CRIM1: variants seen among roughly 807,000 people sequenced by gnomAD.
CRIM1 encodes the protein cysteine rich transmembrane BMP regulator 1, also known as cysteine-rich motor neuron 1 protein.
Under a neutral mutation model 116.4 loss-of-function variants are expected in CRIM1, and 32 were observed. The observed-to-expected ratio is 0.27, with a 90% CI of 0.21 to 0.37. The LOEUF (loss-of-function observed/expected upper bound fraction) is 0.37. CRIM1 is among the 10% of genes least tolerant of loss of function. CRIM1 has a pLI of 1.00. For missense variants in CRIM1, 1,331 were observed against 1,354.8 expected (o/e 0.98, Z 0.28); for synonymous variants, 590 against 509.2 (o/e 1.16, Z -2.13).
chr2:36,531,922 A>G lies in CRIM1; in HGVS notation c.2429-5430A>G, dbSNP rs574664846. Reference sequence around the variant, plus strand: ...AGCATCCCATGAGGTAAGCAGCCCCATGGAAGGACCAGCTGCATCCAGCAA... The same window carrying G: ...AGCATCCCATGAGGTAAGCAGCCCCGTGGAAGGACCAGCTGCATCCAGCAA... On this transcript the variant is annotated intron_variant, in intron 13 of 16. Coordinates refer to ENST00000280527, the MANE Select transcript of CRIM1 (RefSeq NM_016441.3). 20 of 471,030 alleles carry G rather than the reference A, an allele frequency of 4.2e-5. No homozygotes were observed. The East Asian group carries it at 1.3e-3, about 31-fold the overall frequency. 29.2% of individuals were successfully genotyped at this position (471,030 alleles called of 1,614,324 possible). A position where few individuals can be genotyped will look rare whatever the true frequency, so the allele number is the denominator to read the frequency against.
chr2:36,484,125 G>A (rs887026811), intron 7 of CRIM1, among the ~76,000 whole-genome samples: 3 of 152,134 alleles, frequency 2.0e-5, no homozygotes, highest in Non-Finnish European at 4.4e-5. Context: ...GTATTCTGTG[G>A]TTTATTCTGT....
chr2:36,494,787 A>G (rs771495405), intron 7 of CRIM1, among the ~76,000 whole-genome samples: 6 of 152,198 alleles, frequency 3.9e-5, no homozygotes, highest in Non-Finnish European at 7.3e-5. Flanking sequence ...CCCTTTAGAA[A>G]TAGTTGTAGC....
chr2:36,459,530 A>C (rs756203), intron 4 of CRIM1, among the ~76,000 whole-genome samples: 7 of 152,022 alleles, frequency 4.6e-5, no homozygotes, highest in African/African-American at 1.7e-4. Flanking sequence ...TCACAGGAGA[A>C]ACAGTCTGAT....
chr2:36,371,612 C>G (rs1669952694), intron 1 of CRIM1, among the ~76,000 whole-genome samples: 1 of 152,206 alleles, frequency 6.6e-6, no homozygotes, highest in South Asian at 2.1e-4. Context: ...GCCGATCAGT[C>G]TTAGAATTTT....
At chr2:36,407,388 T>A (rs1672889237) in intron 2 of CRIM1, among the ~76,000 whole-genome samples, 1 of 152,204 alleles carries the variant, frequency 6.6e-6, no homozygotes, top group Admixed American at 6.5e-5. Flanking sequence ...TTGTAAGTAG[T>A]GTACTTTTAT....
chr2:36,379,255 A>C (rs985279770), intron 1 of CRIM1: 8 of 152,220 alleles, frequency 5.3e-5, no homozygotes, highest in Admixed American at 6.5e-5. Context: ...TTGTGTGGCA[A>C]AATTATGCAG....
chr2:36,495,885 G>A (rs1298496597), intron 7 of CRIM1, among the ~76,000 whole-genome samples: 1 of 152,052 alleles, frequency 6.6e-6, no homozygotes, highest in Non-Finnish European at 1.5e-5. Flanking sequence ...TAGGTAGATA[G>A]TCTATATACT....
At chr2:36,534,856 C>T (rs980290050) in intron 13 of CRIM1, among the ~76,000 whole-genome samples, 3 of 151,978 alleles carry the variant, frequency 2.0e-5, no homozygotes, top group Non-Finnish European at 4.4e-5. Flanking sequence ...TTTCTTTGTA[C>T]GGTAACACTG....
intron 4 of CRIM1, among the ~76,000 whole-genome samples, chr2:36,449,963 A>T (rs999283266): frequency 6.6e-6 from 1 of 152,092 alleles, no homozygotes; most frequent in African/African-American, 2.4e-5. Context: ...AACTGGTTGG[A>T]TTGTGAAAGC....
chr2:36,546,582 G>A (rs769207243), intron 15 of CRIM1, among the ~76,000 whole-genome samples: 13 of 151,994 alleles, frequency 8.6e-5, no homozygotes, highest in Non-Finnish European at 1.6e-4. Flanking sequence ...CTAGTCTCCT[G>A]TTTGCCAATA....
intron 13 of CRIM1, among the ~76,000 whole-genome samples, chr2:36,534,140 G>A (rs1215789681): frequency 7.1e-6 from 1 of 141,704 alleles, no homozygotes; most frequent in African/African-American, 2.6e-5. Context: ...AAGAATGAGG[G>A]AGAGGGCAGG....
At chr2:36,531,838 G>A (rs778456645) in intron 13 of CRIM1, 9 of 464,422 alleles carry the variant, frequency 1.9e-5, no homozygotes, top group Non-Finnish European at 3.6e-5. Flanking sequence ...GTAATCATAT[G>A]TGATGCAAGA....
chr2:36,427,729 C>G (rs1674568303), intron 2 of CRIM1, among the ~76,000 whole-genome samples: 1 of 152,188 alleles, frequency 6.6e-6, no homozygotes, highest in African/African-American at 2.4e-5. Context: ...TATGGAGGCC[C>G]TAGGTTGTTC....
Position 36,537,481 on chromosome 2 carries a change from G to A in CRIM1, c.2558G>A (p.Ser853Asn). 6.2e-7 allele frequency: 1 copy of A among 1,614,196 alleles called. No individual in the cohort carries two copies. Among genetic ancestry groups the A allele is most frequent in the Non-Finnish European group, 8.5e-7 (1 of 1,180,030 alleles). Residue 853 changes from serine (S) to asparagine (N), a missense_variant, in exon 14 of 17, where the codon AGC (serine) becomes AAC (asparagine). Physicochemically the swap from Ser to Asn is conservative, Grantham distance 46. Transcript: ENST00000280527. ...GGCCAGACCCTCTGCTCGACCGTCA[G>A]CTGCCCCCCTCTGCCCTGTGTTGAG... Reference protein sequence around the residue: ...LQGQTLCSTVSCPPLPCVEPI... With the variant: ...LQGQTLCSTVNCPPLPCVEPI...
intron 1 of CRIM1, among the ~76,000 whole-genome samples, chr2:36,372,117 AT>A (rs1669982173): frequency 6.6e-6 from 1 of 152,196 alleles, no homozygotes. Context: ...ATCCTAAGGA[AT>A]TTTTAACTGT....
intron 1 of CRIM1, among the ~76,000 whole-genome samples, chr2:36,381,796 C>T (rs1670797080): frequency 6.6e-6 from 1 of 152,192 alleles, no homozygotes; most frequent in South Asian, 2.1e-4. Context: ...CAAAAAAAAC[C>T]TTCCATGCCA....
intron 7 of CRIM1, among the ~76,000 whole-genome samples, chr2:36,486,547 T>C (rs1679830633): frequency 6.6e-6 from 1 of 152,158 alleles, no homozygotes; most frequent in South Asian, 2.1e-4. Flanking sequence ...CTGAAACACA[T>C]GATTAGAAAT....
In CRIM1 at chr2:36,468,978, T is replaced by G. The variant is rs145583967; in HGVS notation, c.991+4323T>G. ...ACTTATAAAACGTTCCCCAAGTGAG[T>G]AAATGAATTAGTCTATAGTATTGTT... On this transcript the variant is annotated intron_variant, in intron 5 of 16. Coordinates refer to ENST00000280527, the MANE Select transcript of CRIM1 (RefSeq NM_016441.3). 1.0e-3 allele frequency among the ~76,000 whole-genome samples: 158 copies of G among 152,340 alleles called. 1 individual carries two copies. Among genetic ancestry groups the G allele is most frequent in the African/African-American group, 3.7e-3 (154 of 41,582 alleles).
chr2:36,517,088 C>A lies in CRIM1; in HGVS notation c.1991-239C>A, dbSNP rs561379413. Among the ~76,000 whole-genome samples the A allele has an allele frequency of 5.3e-5, 8 of 152,282 alleles. No homozygotes were observed. In the South Asian group the frequency reaches 1.4e-3, roughly 28 times the overall value. On this transcript the variant is annotated intron_variant, in intron 11 of 16. Coordinates refer to ENST00000280527, the MANE Select transcript of CRIM1 (RefSeq NM_016441.3). ...TGTAATTTAATGATCTTATTGAATT[C>A]TCTTATTACTGTTGACAGACTTAAA... is the stretch of plus-strand genomic sequence containing the variant.
Sources: gnomAD v4.1 joint callset for allele counts (sites outside exome capture counted in the v4.1 genomes callset) on GRCh38, gnomAD v4.1.1 for gene constraint, MANE v1.5 for transcripts, NCBI Gene and HGNC (gene_info 2026-07-23, HGNC 2026-07-21) for gene names.